Variants in CACNG3 observed in about 807,000 individuals in gnomAD.
The protein encoded by CACNG3 is voltage-dependent calcium channel gamma-3 subunit.
Under a neutral mutation model 28.5 loss-of-function variants are expected in CACNG3, and 3 were observed. The ratio of observed to expected loss-of-function variants is 0.11; its 90% CI spans 0.05 to 0.27. The LOEUF (loss-of-function observed/expected upper bound fraction) is 0.27, where lower values mean the gene tolerates loss of function less well. CACNG3 is among the 10% of genes least tolerant of loss of function. The pLI is 1.00. For missense variants in CACNG3, 236 were observed against 414.4 expected (o/e 0.57, Z 3.74); for synonymous variants, 174 against 162.2 (o/e 1.07, Z -0.55).
chr16:24,298,998 C>T (rs1899070183), intron 1 of CACNG3, among the ~76,000 whole-genome samples: 1 of 152,142 alleles, frequency 6.6e-6, no homozygotes, highest in South Asian at 2.1e-4. Flanking sequence ...TAGCCTTGAT[C>T]GCCTGTCTGA....
intron 1 of CACNG3, among the ~76,000 whole-genome samples, chr16:24,280,832 A>AAAAAAG: frequency 6.6e-6 from 1 of 150,860 alleles, no homozygotes; most frequent in African/African-American, 2.4e-5. Context: ...AAAAAAAAAA[A>AAAAAAG]AAAAAAAAAA....
chr16:24,265,009 A>T (rs1250101064), intron 1 of CACNG3, among the ~76,000 whole-genome samples: 1 of 152,160 alleles, frequency 6.6e-6, no homozygotes, highest in African/African-American at 2.4e-5. Flanking sequence ...GAGGCCAAGG[A>T]AGGTGGATCA....
chr16:24,282,573 C>T (rs1314666586), intron 1 of CACNG3, among the ~76,000 whole-genome samples: 1 of 152,102 alleles, frequency 6.6e-6, no homozygotes. Flanking sequence ...CCGTGCCCAG[C>T]CTCATTAACT....
intron 1 of CACNG3, among the ~76,000 whole-genome samples, chr16:24,293,925 C>G (rs1277082074): frequency 1.3e-5 from 2 of 152,170 alleles, no homozygotes; most frequent in Non-Finnish European, 2.9e-5. Flanking sequence ...AGCCTTGAAT[C>G]TTCTAGACCC....
In CACNG3 at chr16:24,266,485, T is replaced by C. The variant is rs145104628; in HGVS notation, c.211+9520T>C. Among the ~76,000 whole-genome samples the C allele has an allele frequency of 4.6e-4, 70 of 152,006 alleles. 1 individual carries two copies. Among genetic ancestry groups the C allele is most frequent in the African/African-American group, 1.3e-3 (55 of 41,444 alleles). ...ACACTTAGGGTCATCCAAACATAGA[T>C]GGTAATCAAAGGTATGACTGTACAC... On this transcript the variant is annotated intron_variant, in intron 1 of 3. Transcript: ENST00000005284.
chr16:24,286,796 G>A (rs1377084013), intron 1 of CACNG3, among the ~76,000 whole-genome samples: 2 of 152,176 alleles, frequency 1.3e-5, no homozygotes, highest in Non-Finnish European at 2.9e-5. Context: ...TGGTATAGCT[G>A]GGATTTGATT....
At chr16:24,292,927 G>A (rs2141356249) in intron 1 of CACNG3, among the ~76,000 whole-genome samples, 1 of 152,292 alleles carries the variant, frequency 6.6e-6, no homozygotes, top group Non-Finnish European at 1.5e-5. Context: ...ACACCAATGT[G>A]TTGGAAAGAA....
At chr16:24,352,652 C>G (rs114513095) in intron 2 of CACNG3, among the ~76,000 whole-genome samples, 4,625 of 152,184 alleles carry the variant, frequency 0.03, 188 homozygotes, top group African/African-American at 0.094. Flanking sequence ...GATCCTCCTA[C>G]CTCAGCACCC....
intron 1 of CACNG3, among the ~76,000 whole-genome samples, chr16:24,331,420 G>A (rs1254470250): frequency 6.6e-6 from 1 of 152,098 alleles, no homozygotes; most frequent in Non-Finnish European, 1.5e-5. Flanking sequence ...ACCCTCTCTC[G>A]AAGAGGCATA....
chr16:24,304,420 T>C (rs1899157062), intron 1 of CACNG3, among the ~76,000 whole-genome samples: 1 of 152,112 alleles, frequency 6.6e-6, no homozygotes, highest in Non-Finnish European at 1.5e-5. Flanking sequence ...TACAACTCAA[T>C]GAAATTTCAT....
chr16:24,318,897 C>A (rs966761103), intron 1 of CACNG3, among the ~76,000 whole-genome samples: 1 of 152,152 alleles, frequency 6.6e-6, no homozygotes, highest in Non-Finnish European at 1.5e-5. Flanking sequence ...GTAGCATCTA[C>A]CAAGGCTGCT....
intron 1 of CACNG3, among the ~76,000 whole-genome samples, chr16:24,295,799 T>C (rs552126367): frequency 6.6e-6 from 1 of 152,088 alleles, no homozygotes; most frequent in Non-Finnish European, 1.5e-5. Context: ...CAGTGAGCTA[T>C]GTTGTGCCAC....
At chr16:24,344,943 G>A (rs555513295) in intron 1 of CACNG3, among the ~76,000 whole-genome samples, 78 of 152,244 alleles carry the variant, frequency 5.1e-4, no homozygotes, top group African/African-American at 1.7e-3. Context: ...CTCACCAGCT[G>A]TGACACCATC....
intron 1 of CACNG3, among the ~76,000 whole-genome samples, chr16:24,293,048 A>C (rs1898985890): frequency 1.3e-5 from 2 of 152,256 alleles, no homozygotes; most frequent in Admixed American, 1.3e-4. Flanking sequence ...TCTTGGGAAC[A>C]TCTGGATGAA....
chr16:24,316,145 C>A (rs1899349166), intron 1 of CACNG3, among the ~76,000 whole-genome samples: 3 of 151,750 alleles, frequency 2.0e-5, no homozygotes, highest in Admixed American at 2.0e-4. Context: ...GATAACACAC[C>A]CTGGAAGCCA....
intron 1 of CACNG3, among the ~76,000 whole-genome samples, chr16:24,340,448 G>T (rs1214252936): frequency 2.0e-5 from 3 of 152,114 alleles, no homozygotes; most frequent in Non-Finnish European, 4.4e-5. Flanking sequence ...AGCTAAAAGA[G>T]ATAGATTTGC....
intron 1 of CACNG3, among the ~76,000 whole-genome samples, chr16:24,267,613 A>C (rs1309168834): frequency 1.3e-5 from 2 of 151,802 alleles, no homozygotes; most frequent in African/African-American, 4.8e-5. Flanking sequence ...AATAGCTAAT[A>C]CTTAACAAAC....
At chr16:24,314,650 T>C (rs1441815349) in intron 1 of CACNG3, among the ~76,000 whole-genome samples, 2 of 152,138 alleles carry the variant, frequency 1.3e-5, no homozygotes, top group Non-Finnish European at 1.5e-5. Context: ...GGTATAGATA[T>C]ATATGTCCCT....
chr16:24,277,836 A>G (rs2089063122), intron 1 of CACNG3, among the ~76,000 whole-genome samples: 2 of 152,054 alleles, frequency 1.3e-5, no homozygotes, highest in Admixed American at 1.3e-4. Context: ...GCAGAAGAGC[A>G]ATAGGATCTA....
Sources: allele counts gnomAD v4.1 joint callset (sites outside exome capture counted in the v4.1 genomes callset), GRCh38; gene constraint gnomAD v4.1.1; transcripts MANE v1.5; gene names NCBI Gene and HGNC (gene_info 2026-07-23, HGNC 2026-07-21).